The following POF1B variants were observed in gnomAD, a reference collection of about 807,000 sequenced individuals.
The protein encoded by POF1B is POF1B actin binding protein.
A neutral mutation model predicts 55.3 loss-of-function variants in POF1B; 53 were observed. The observed-to-expected ratio is 0.96, with a 90% CI of 0.77 to 1.20. POF1B has a LOEUF of 1.20. Ranked by LOEUF, POF1B falls within the 50% of genes most tolerant of loss-of-function variation. The probability of loss-of-function intolerance (pLI) is 0.00; values close to 1 mark genes in which losing one functional copy is unlikely to be tolerated. For missense variants in POF1B, 478 were observed against 420.5 expected (o/e 1.14, Z -1.20); for synonymous variants, 188 against 148.3 (o/e 1.27, Z -1.95).
rs1932594553 is a variant in POF1B, at chrX:85,307,249, CAA to C, written c.1076_1077del (p.Leu359ArgfsTer25). On this transcript the variant is annotated frameshift_variant, in exon 11 of 17. Transcript: ENST00000262753. LOFTEE classifies it high-confidence loss of function. ...GTGTCTTTGAATGATAAATCTTTCT[CAA>C]GTCTCATCTTGTCATTTTCCAGTGA... is the stretch of plus-strand genomic sequence containing the variant. Reference protein sequence around the residue: ...MTSLENDKMRLEKDLSFKDTQ... With the variant: ...MTSLENDKMRXEKDLSFKDTQ... 2 of 1,197,677 alleles carry C rather than the reference CAA, an allele frequency of 1.7e-6. No homozygotes were observed. Among genetic ancestry groups the C allele is most frequent in the African/African-American group, 3.5e-5 (2 of 57,485 alleles).
intron 6 of POF1B, among the ~76,000 whole-genome samples, chrX:85,340,426 A>G (rs146283798): frequency 9.0e-6 from 1 of 111,276 alleles, no homozygotes; most frequent in African/African-American, 3.3e-5. Flanking sequence ...TGAAGGTGAC[A>G]TTAAACAGAA....
At chrX:85,320,083 C>T (rs182562156) in intron 7 of POF1B, among the ~76,000 whole-genome samples, 13 of 111,318 alleles carry the variant, frequency 1.2e-4, no homozygotes, top group African/African-American at 3.3e-4. Context: ...GATTCAGTCT[C>T]TTCCTGGTTC....
intron 15 of POF1B, 115 bp from the exon 16 acceptor site, chrX:85,282,432 T>C: frequency 2.5e-6 from 1 of 400,652 alleles, no homozygotes; most frequent in Non-Finnish European, 4.0e-6. Flanking sequence ...TGAATGACTT[T>C]TTAACTGTTA....
At chrX:85,317,626 GT>G (rs934831993) in intron 7 of POF1B, among the ~76,000 whole-genome samples, 1 of 110,431 alleles carries the variant, frequency 9.1e-6, no homozygotes, top group African/African-American at 3.3e-5. Context: ...GAGGTTGTTT[GT>G]TTTTTGCTTG....
rs752389631 is a variant in POF1B at position 85,325,532 on chromosome X, G to C, written c.854+5417C>G. ...TTTTTCAGCTCTATTAAATCAGTTT[G>C]GTTCTTTCTTATAATAGCCATTTTG... On this transcript the variant is annotated intron_variant, in intron 7 of 16. Coordinates refer to ENST00000262753, the MANE Select transcript of POF1B (RefSeq NM_024921.4). Among the ~76,000 whole-genome samples, 5 of 111,822 alleles carry C rather than the reference G, an allele frequency of 4.5e-5. No individual in the cohort carries two copies. The East Asian group carries it at 8.5e-4, about 19-fold the overall frequency.
chrX:85,279,470 TAA>T, intron 16 of POF1B, 44 bp from the exon 17 acceptor site: 1 of 1,127,818 alleles, frequency 8.9e-7, no homozygotes, highest in Non-Finnish European at 1.2e-6. Context: ...GGTTCATAAT[TAA>T]AGTCATTGTT....
chrX:85,282,436 A>T (rs1344447958), intron 15 of POF1B, 119 bp from the exon 16 acceptor site: 2 of 381,312 alleles, frequency 5.2e-6, no homozygotes, highest in Non-Finnish European at 8.4e-6. Context: ...TGACTTTTTA[A>T]CTGTTACTGA....
At chrX:85,297,965 C>G (rs1932344034) in intron 15 of POF1B, among the ~76,000 whole-genome samples, 1 of 112,246 alleles carries the variant, frequency 8.9e-6, no homozygotes, top group Non-Finnish European at 1.9e-5. Context: ...AATCTCAACT[C>G]AGAACTCCTG....
chrX:85,296,974 G>T (rs1010932205), intron 15 of POF1B, among the ~76,000 whole-genome samples: 3 of 111,487 alleles, frequency 2.7e-5, no homozygotes, highest in Admixed American at 1.9e-4. Flanking sequence ...ATAAGATTCT[G>T]TCTTCAAGCT....
At chrX:85,283,669 G>A (rs180986861) in intron 15 of POF1B, among the ~76,000 whole-genome samples, 7 of 110,156 alleles carry the variant, frequency 6.4e-5, no homozygotes, top group Non-Finnish European at 1.3e-4. Context: ...CAAGCATGAT[G>A]TAAAGCTATA....
chrX:85,354,545 T>A (rs1933449993), intron 4 of POF1B, among the ~76,000 whole-genome samples: 1 of 111,243 alleles, frequency 9.0e-6, no homozygotes. Context: ...CATGATTGTA[T>A]ATCTAGAAAA....
At position 85,296,191 on chromosome X, in the gene POF1B, T is replaced by C. The variant is rs376590155; in HGVS notation, c.1649+7215A>G. ...GTTGGGTCTTGTCTTTTTATTGAAC[T>C]TACCACTCTATGTCTTTTAAGTGGG... is the stretch of plus-strand genomic sequence containing the variant. On this transcript the variant is annotated intron_variant, in intron 15 of 16. Coordinates refer to ENST00000262753, the MANE Select transcript of POF1B (RefSeq NM_024921.4). 2.7e-5 allele frequency among the ~76,000 whole-genome samples: 3 copies of C among 111,916 alleles called. No individual in the cohort carries two copies. The East Asian group carries it at 8.5e-4, about 32-fold the overall frequency.
At chrX:85,355,290 C>G (rs919477003) in intron 4 of POF1B, among the ~76,000 whole-genome samples, 1 of 111,658 alleles carries the variant, frequency 9.0e-6, no homozygotes, top group Non-Finnish European at 1.9e-5. Flanking sequence ...TTCCTTACAC[C>G]TTATACAAAA....
chrX:85,314,480 A>C lies in POF1B; in HGVS notation c.909T>G (p.Pro303=). ...GTTTTGTAAACTCTGATAATCCTTTAGGAATCAATGATTCAATGTCTTCCG... is the reference window on the plus strand; with the variant it reads ...GTTTTGTAAACTCTGATAATCCTTTCGGAATCAATGATTCAATGTCTTCCG... The part of the protein sequence containing the change: ...DESEDIESLI[P]KGLSEFTKQQ... The change falls in exon 9 of 17, where the codon CCT becomes CCG. Residue 303 remains proline (P), a synonymous_variant. Transcript: ENST00000262753. The C allele has an allele frequency of 2.5e-6, 3 of 1,197,597 alleles. No individual in the cohort carries two copies. The highest frequency in any genetic ancestry group is 3.4e-6 in the Non-Finnish European group (3 of 888,375).
chrX:85,369,255 A>C (rs1377590151), intron 2 of POF1B, among the ~76,000 whole-genome samples: 1 of 111,672 alleles, frequency 9.0e-6, no homozygotes, highest in Admixed American at 9.6e-5. Flanking sequence ...ACAGGTACAC[A>C]TTATCCAGTT....
intron 16 of POF1B, among the ~76,000 whole-genome samples, chrX:85,280,902 A>G (rs1008542161): frequency 3.6e-5 from 4 of 110,907 alleles, no homozygotes; most frequent in African/African-American, 9.8e-5. Flanking sequence ...GGGCTGGATA[A>G]TTCTTTGTTA....
At chrX:85,366,655 G>T (rs1458846821) in intron 3 of POF1B, among the ~76,000 whole-genome samples, 1 of 111,178 alleles carries the variant, frequency 9.0e-6, no homozygotes, top group Non-Finnish European at 1.9e-5. Flanking sequence ...GTCCTATAGG[G>T]CTGCATTTCT....
At chrX:85,281,095 G>T (rs1166918324) in intron 16 of POF1B, among the ~76,000 whole-genome samples, 1 of 110,437 alleles carries the variant, frequency 9.1e-6, no homozygotes, top group Non-Finnish European at 1.9e-5. Context: ...TATATAGTTG[G>T]CCCTTGGTAT....
intron 6 of POF1B, among the ~76,000 whole-genome samples, chrX:85,342,086 T>C (rs1226377867): frequency 9.0e-6 from 1 of 111,574 alleles, no homozygotes; most frequent in Admixed American, 9.5e-5. Context: ...TCAACAGGTG[T>C]AAAATTATCT....
Sources: gnomAD v4.1 joint callset for allele counts (sites outside exome capture counted in the v4.1 genomes callset) on GRCh38, gnomAD v4.1.1 for gene constraint, MANE v1.5 for transcripts, NCBI Gene and HGNC (gene_info 2026-07-23, HGNC 2026-07-21) for gene names.